The following KCND2 variants were observed in gnomAD, a reference collection of about 807,000 sequenced individuals.
KCND2 encodes the protein A-type voltage-gated potassium channel KCND2.
KCND2 carries 16 observed loss-of-function variants against 54.4 expected under a neutral mutation model. The ratio of observed to expected loss-of-function variants is 0.29; its 90% CI spans 0.20 to 0.45. The LOEUF (loss-of-function observed/expected upper bound fraction) is 0.45, where lower values mean the gene tolerates loss of function less well. Among genes scored for constraint, KCND2 ranks in the 20% least tolerant of loss-of-function variants. The pLI, the probability that KCND2 is intolerant of heterozygous loss-of-function variation, is 1.00. For missense variants in KCND2, 486 were observed against 824.2 expected, an observed-to-expected ratio of 0.59 and a Z score of 5.02; for synonymous variants, 317 against 310.7, an observed-to-expected ratio of 1.02 and a Z score of -0.21.
intron 1 of KCND2, among the ~76,000 whole-genome samples, chr7:120,644,089 C>T (rs1259484467): frequency 6.6e-6 from 1 of 151,924 alleles, no homozygotes; most frequent in Non-Finnish European, 1.5e-5. Context: ...CATTCTCATT[C>T]ATAAGAAGAT....
intron 1 of KCND2, among the ~76,000 whole-genome samples, chr7:120,634,803 C>G (rs1186270668): frequency 6.6e-6 from 1 of 152,136 alleles, no homozygotes; most frequent in African/African-American, 2.4e-5. Flanking sequence ...TGATGAGGCT[C>G]CCAAGACTCT....
chr7:120,594,788 A>T (rs927736447), intron 1 of KCND2, among the ~76,000 whole-genome samples: 1 of 152,120 alleles, frequency 6.6e-6, no homozygotes, highest in Non-Finnish European at 1.5e-5. Context: ...TTGGGAGGCC[A>T]AGGTGGGTGG....
intron 1 of KCND2, among the ~76,000 whole-genome samples, chr7:120,352,941 C>T (rs1343762548): frequency 1.3e-5 from 2 of 151,810 alleles, no homozygotes; most frequent in African/African-American, 4.8e-5. Context: ...GTGAGAAAGA[C>T]ATGTCAGATA....
At chr7:120,472,586 G>GT (rs1008793051) in intron 1 of KCND2, among the ~76,000 whole-genome samples, 1 of 146,672 alleles carries the variant, frequency 6.8e-6, no homozygotes, top group South Asian at 2.1e-4. Context: ...CACACACACA[G>GT]TTTTTTGTTT....
chr7:120,499,657 A>G (rs958225013), intron 1 of KCND2, among the ~76,000 whole-genome samples: 4 of 152,042 alleles, frequency 2.6e-5, no homozygotes, highest in South Asian at 2.1e-4. Flanking sequence ...TGCCTCCAAC[A>G]TACACCCTTT....
chr7:120,722,342 A>G (rs1792678099), intron 1 of KCND2, among the ~76,000 whole-genome samples: 1 of 152,248 alleles, frequency 6.6e-6, no homozygotes, highest in South Asian at 2.1e-4. Context: ...CCATCAGATC[A>G]TGTCAAGTAT....
chr7:120,602,591 G>T (rs904114065), intron 1 of KCND2, among the ~76,000 whole-genome samples: 1 of 152,128 alleles, frequency 6.6e-6, no homozygotes, highest in Non-Finnish European at 1.5e-5. Context: ...AGTATTTGGA[G>T]TTTTTCCTTA....
At chr7:120,297,258 T>C (rs1467837518) in intron 1 of KCND2, among the ~76,000 whole-genome samples, 7 of 152,102 alleles carry the variant, frequency 4.6e-5, no homozygotes, top group Non-Finnish European at 1.0e-4. Flanking sequence ...CCACTCTCTA[T>C]GTCCACATGT....
intron 1 of KCND2, among the ~76,000 whole-genome samples, chr7:120,417,173 C>G (rs1801536040): frequency 6.6e-6 from 1 of 152,156 alleles, no homozygotes; most frequent in South Asian, 2.1e-4. Context: ...CAGAAAAGCT[C>G]AGGTCAGTCC....
At chr7:120,509,946 G>A (rs1803087213) in intron 1 of KCND2, among the ~76,000 whole-genome samples, 1 of 152,044 alleles carries the variant, frequency 6.6e-6, no homozygotes, top group African/African-American at 2.4e-5. Context: ...AATAGCCGTT[G>A]TGCAAATACT....
At chr7:120,467,253 A>G (rs1338598460) in intron 1 of KCND2, among the ~76,000 whole-genome samples, 1 of 152,156 alleles carries the variant, frequency 6.6e-6, no homozygotes, top group Non-Finnish European at 1.5e-5. Flanking sequence ...GACTTGGACG[A>G]CATTTCAACT....
intron 1 of KCND2, among the ~76,000 whole-genome samples, chr7:120,359,688 G>C (rs1800565225): frequency 6.6e-6 from 1 of 152,062 alleles, no homozygotes; most frequent in Non-Finnish European, 1.5e-5. Context: ...TTTTGAGCAG[G>C]GGATCTGATA....
chr7:120,312,603 A>G (rs890968465), intron 1 of KCND2, among the ~76,000 whole-genome samples: 1 of 152,156 alleles, frequency 6.6e-6, no homozygotes, highest in Non-Finnish European at 1.5e-5. Context: ...GGCGACAAAA[A>G]TTCATACATT....
intron 1 of KCND2, among the ~76,000 whole-genome samples, chr7:120,290,026 CTTG>C (rs1799410923): frequency 6.6e-6 from 1 of 151,974 alleles, no homozygotes; most frequent in Admixed American, 6.6e-5. Flanking sequence ...TATCTGGGGC[CTTG>C]TTGTGTTTTA....
intron 1 of KCND2, among the ~76,000 whole-genome samples, chr7:120,580,791 A>G (rs1314776405): frequency 6.6e-6 from 1 of 152,176 alleles, no homozygotes; most frequent in Non-Finnish European, 1.5e-5. Flanking sequence ...AACTTTCATA[A>G]CTTGTTTTTA....
chr7:120,630,418 T>C (rs368908106), intron 1 of KCND2, among the ~76,000 whole-genome samples: 50 of 152,220 alleles, frequency 3.3e-4, no homozygotes, highest in South Asian at 1.4e-3. Flanking sequence ...AAATTTTAGA[T>C]GTCAATTTCC....
intron 1 of KCND2, among the ~76,000 whole-genome samples, chr7:120,310,156 G>T (rs574311631): frequency 6.6e-6 from 1 of 152,260 alleles, no homozygotes; most frequent in South Asian, 2.1e-4. Context: ...CGGAGGAAAA[G>T]ATAGAATCAC....
intron 1 of KCND2, among the ~76,000 whole-genome samples, chr7:120,439,010 A>C (rs2116188776): frequency 6.6e-6 from 1 of 152,212 alleles, no homozygotes; most frequent in Middle Eastern, 3.4e-3. Flanking sequence ...TCTTAGTTTA[A>C]GAAGGTCAAT....
intron 1 of KCND2, among the ~76,000 whole-genome samples, chr7:120,320,704 A>G (rs1799882384): frequency 6.6e-6 from 1 of 152,142 alleles, no homozygotes; most frequent in Non-Finnish European, 1.5e-5. Context: ...GATGTAGTAA[A>G]GAAGAGAGAC....
Sources: gnomAD v4.1 joint callset for allele counts (sites outside exome capture counted in the v4.1 genomes callset) on GRCh38, gnomAD v4.1.1 for gene constraint, MANE v1.5 for transcripts, NCBI Gene and HGNC (gene_info 2026-07-23, HGNC 2026-07-21) for gene names.